SRGAP2B: variants seen among roughly 807,000 people sequenced by gnomAD.
SRGAP2B encodes SLIT-ROBO Rho GTPase activating protein 2B.
A neutral mutation model predicts 22.2 loss-of-function variants in SRGAP2B; 9 were observed. That is an observed-to-expected ratio of 0.41 (90% confidence interval 0.24 to 0.71). SRGAP2B has a LOEUF of 0.71. Among genes scored for constraint, SRGAP2B ranks in the 30% least tolerant of loss-of-function variants. The pLI is 0.35. For missense variants in SRGAP2B, 114 were observed against 235.8 expected, an observed-to-expected ratio of 0.48 and a Z score of 3.38; for synonymous variants, 36 against 87.4, an observed-to-expected ratio of 0.41 and a Z score of 3.28.
At chr1:145,047,024 A>T (rs1251406822) in intron 2 of SRGAP2B, among the ~76,000 whole-genome samples, 1 of 139,506 alleles carries the variant, frequency 7.2e-6, no homozygotes, top group African/African-American at 2.9e-5. Context: ...ATAAATAAAA[A>T]AATTAGCCAG....
intron 2 of SRGAP2B, among the ~76,000 whole-genome samples, chr1:145,006,990 C>CT (rs1390275205): frequency 6.7e-6 from 1 of 150,220 alleles, no homozygotes; most frequent in African/African-American, 2.5e-5. Flanking sequence ...CTTAATCTCT[C>CT]TAAGTTGTTT....
chr1:145,085,104 A>C (rs1360962842), intron 2 of SRGAP2B, among the ~76,000 whole-genome samples: 1 of 151,640 alleles, frequency 6.6e-6, no homozygotes, highest in Non-Finnish European at 1.5e-5. Flanking sequence ...CACCACGCCC[A>C]GCTAATTTTT....
At chr1:144,971,625 A>G (rs1315313722) in intron 3 of SRGAP2B, among the ~76,000 whole-genome samples, 1 of 150,894 alleles carries the variant, frequency 6.6e-6, no homozygotes. Context: ...TTAATTTATC[A>G]TCTGATTCTC....
chr1:144,979,713 CAA>C (rs1553614773), intron 3 of SRGAP2B, among the ~76,000 whole-genome samples: 3 of 150,760 alleles, frequency 2.0e-5, no homozygotes, highest in South Asian at 4.2e-4. Context: ...TCTGGTTGTT[CAA>C]AAGTCTGGGA....
At chr1:144,906,133 C>A in intron 5 of SRGAP2B, 59 bp from the exon 6 acceptor site, 1 of 709,388 alleles carries the variant, frequency 1.4e-6, no homozygotes, top group Non-Finnish European at 2.6e-6. Context: ...CATTTCTCTG[C>A]TTTACAGACT....
chr1:144,909,806 C>T (rs1663283102), intron 5 of SRGAP2B, among the ~76,000 whole-genome samples: 1 of 150,370 alleles, frequency 6.7e-6, no homozygotes, highest in Non-Finnish European at 1.5e-5. Flanking sequence ...CAACTCAGCT[C>T]CCAGACATGA....
chr1:145,016,922 C>A (rs1471370081), intron 2 of SRGAP2B, among the ~76,000 whole-genome samples: 1 of 145,644 alleles, frequency 6.9e-6, no homozygotes, highest in Non-Finnish European at 1.5e-5. Context: ...GATCTCTGCT[C>A]ACCGCAAGCA....
chr1:145,023,201 A>G (rs1228811926), intron 2 of SRGAP2B, among the ~76,000 whole-genome samples: 2 of 139,686 alleles, frequency 1.4e-5, no homozygotes, highest in African/African-American at 2.7e-5. Context: ...AAAAAATTAA[A>G]AAGAAGGCAA....
At chr1:145,068,226 A>C (rs1651720481) in intron 2 of SRGAP2B, among the ~76,000 whole-genome samples, 1 of 144,520 alleles carries the variant, frequency 6.9e-6, no homozygotes, top group Admixed American at 6.8e-5. Context: ...AAAAAAAAAA[A>C]ACAAATACAG....
chr1:144,980,259 C>T (rs1313989971), intron 3 of SRGAP2B, among the ~76,000 whole-genome samples: 2 of 143,754 alleles, frequency 1.4e-5, no homozygotes, highest in African/African-American at 5.4e-5. Flanking sequence ...GTATAACTTC[C>T]TCCTTTTGCT....
chr1:144,943,057 AT>A (rs1553607713), intron 4 of SRGAP2B, among the ~76,000 whole-genome samples: 2 of 130,314 alleles, frequency 1.5e-5, no homozygotes, highest in African/African-American at 6.0e-5. Flanking sequence ...AGTCACTTGA[AT>A]CCACTTGGAC....
chr1:145,061,590 T>A (rs1650913007), intron 2 of SRGAP2B, among the ~76,000 whole-genome samples: 1 of 149,694 alleles, frequency 6.7e-6, no homozygotes, highest in Admixed American at 6.6e-5. Context: ...TACATTCACT[T>A]TTTTTTCCCC....
chr1:144,975,759 AC>A (rs1393040502), intron 3 of SRGAP2B, among the ~76,000 whole-genome samples: 2 of 149,682 alleles, frequency 1.3e-5, no homozygotes, highest in Admixed American at 1.3e-4. Context: ...TAGTCAGCTA[AC>A]TTTTGAACAT....
At chr1:145,000,610 G>C in intron 2 of SRGAP2B, among the ~76,000 whole-genome samples, 1 of 150,646 alleles carries the variant, frequency 6.6e-6, no homozygotes, top group African/African-American at 2.5e-5. Flanking sequence ...AGTACAGGGG[G>C]TGAGGGAGTG....
chr1:144,994,567 T>A (rs1471774351), intron 3 of SRGAP2B, among the ~76,000 whole-genome samples: 1 of 122,490 alleles, frequency 8.2e-6, no homozygotes, highest in African/African-American at 3.5e-5. Flanking sequence ...TGTGTGTGTG[T>A]GAGAGAGAGA....
At chr1:144,944,362 G>A (rs1666308116) in intron 4 of SRGAP2B, among the ~76,000 whole-genome samples, 1 of 150,224 alleles carries the variant, frequency 6.7e-6, no homozygotes. Flanking sequence ...TTTGGAGGCT[G>A]AAGGGGAAGG....
intron 2 of SRGAP2B, among the ~76,000 whole-genome samples, chr1:145,040,902 C>A: frequency 6.8e-6 from 1 of 147,206 alleles, no homozygotes; most frequent in Non-Finnish European, 1.5e-5. Flanking sequence ...CCTAGGTCTT[C>A]TCATAGCTGC....
chr1:144,956,977 G>A (rs1206534024), intron 3 of SRGAP2B, among the ~76,000 whole-genome samples: 1 of 150,476 alleles, frequency 6.6e-6, no homozygotes, highest in African/African-American at 2.5e-5. Context: ...TGATGAGGTG[G>A]GTGTTATTAA....
At chr1:144,947,544 G>C (rs1234839751) in intron 4 of SRGAP2B, among the ~76,000 whole-genome samples, 4 of 150,432 alleles carry the variant, frequency 2.7e-5, no homozygotes, top group Non-Finnish European at 5.9e-5. Context: ...CTGGAGAAAA[G>C]TATTAACTGA....
Sources: allele counts gnomAD v4.1 joint callset (sites outside exome capture counted in the v4.1 genomes callset), GRCh38; gene constraint gnomAD v4.1.1; transcripts MANE v1.5; gene names NCBI Gene and HGNC (gene_info 2026-07-23, HGNC 2026-07-21).